Variants in DPP6 observed in about 807,000 individuals in gnomAD.
DPP6 encodes the protein dipeptidyl peptidase like 6.
A neutral mutation model predicts 122.6 loss-of-function variants in DPP6; 69 were observed. The observed-to-expected ratio is 0.56, with a 90% confidence interval of 0.46 to 0.69. The LOEUF (loss-of-function observed/expected upper bound fraction) is 0.69. Among genes scored for constraint, DPP6 ranks in the 30% least tolerant of loss-of-function variants. DPP6 has a pLI of 0.00. For missense variants in DPP6, 928 were observed against 1,116.9 expected (o/e 0.83, Z 2.41); for synonymous variants, 418 against 433.1 (o/e 0.97, Z 0.43).
intron 7 of DPP6, among the ~76,000 whole-genome samples, chr7:154,720,930 G>C (rs1841771802): frequency 6.6e-6 from 1 of 152,218 alleles, no homozygotes; most frequent in Admixed American, 6.5e-5. Flanking sequence ...TAAGCCTCGA[G>C]AAGAGGGCAG....
At position 154,564,936 on chromosome 7, in the gene DPP6, T is replaced by A. The variant is rs78704815; in HGVS notation, c.553-1906T>A. Among the ~76,000 whole-genome samples the A allele has an allele frequency of 3.3e-5, 5 of 152,336 alleles. No homozygotes were observed. The East Asian group carries it at 9.6e-4, about 29-fold the overall frequency. ...CTGTTGTTCTATTTGGTGCTCCATT[T>A]TTTTGCATGTTTGTAACTTACACTG... On this transcript the variant is annotated intron_variant, in intron 4 of 25. Transcript: ENST00000377770.
chr7:154,008,362 T>G (rs541631906), intron 1 of DPP6, among the ~76,000 whole-genome samples: 1 of 152,236 alleles, frequency 6.6e-6, no homozygotes. Flanking sequence ...TGACTGCCAT[T>G]TCAGTGTACT....
chr7:154,086,776 G>A (rs77473206), intron 1 of DPP6, among the ~76,000 whole-genome samples: 10,544 of 151,984 alleles, frequency 0.069, 453 homozygotes, highest in Middle Eastern at 0.14. Context: ...CCATCACCAC[G>A]CCCGGCTAAT....
Position 153,943,489 on chromosome 7 carries a change from T to A in DPP6, c.51+55755T>A, listed in dbSNP as rs149726713. Among the ~76,000 whole-genome samples, 269 of 152,288 alleles carry A rather than the reference T, an allele frequency of 1.8e-3. 1 individual carries two copies. The highest frequency in any genetic ancestry group is 5.8e-3 in the African/African-American group (239 of 41,558). Reference sequence around the variant, plus strand: ...TTTTGTCCTTCTCCATTTGCTCAGCTGTTTTTCCTCCCAAGTAGGGAGGGC... The same window carrying A: ...TTTTGTCCTTCTCCATTTGCTCAGCAGTTTTTCCTCCCAAGTAGGGAGGGC... On this transcript the variant is annotated intron_variant, in intron 1 of 25. Coordinates refer to the DPP6 transcript ENST00000404039.
chr7:154,540,737 A>G lies in DPP6; in HGVS notation c.552+111A>G. ...TTTAGCATAGCCAAGGAGAAGCAAT[A>G]AACTTGTAATACTACAGGCTGAGCA... On this transcript the variant is annotated intron_variant, in intron 4 of 25. Coordinates refer to ENST00000377770, the MANE Select transcript of DPP6 (RefSeq NM_130797.4). 3 of 653,442 alleles carry G rather than the reference A, an allele frequency of 4.6e-6. No individual in the cohort carries two copies. The South Asian group carries it at 5.9e-5, about 13-fold the overall frequency. 40.5% of individuals were successfully genotyped at this position (653,442 alleles called of 1,614,324 possible).
At chr7:154,831,303 C>A (rs975128653) in intron 16 of DPP6, among the ~76,000 whole-genome samples, 1 of 152,204 alleles carries the variant, frequency 6.6e-6, no homozygotes, top group Non-Finnish European at 1.5e-5. Context: ...CTTCAATCAC[C>A]GGTTGACCAC....
intron 1 of DPP6, among the ~76,000 whole-genome samples, chr7:154,199,816 C>T (rs1799073855): frequency 6.6e-6 from 1 of 152,112 alleles, no homozygotes; most frequent in Non-Finnish European, 1.5e-5. Flanking sequence ...CCATGTTGGT[C>T]AGGCTAGTGT....
intron 1 of DPP6, among the ~76,000 whole-genome samples, chr7:154,218,274 C>G (rs1800114565): frequency 6.6e-6 from 1 of 152,148 alleles, no homozygotes; most frequent in Non-Finnish European, 1.5e-5. Flanking sequence ...TCCACACAAC[C>G]TCACCCAGCC....
chr7:154,095,146 A>G (rs1805234806), intron 1 of DPP6: 1 of 151,424 alleles, frequency 6.6e-6, no homozygotes, highest in Non-Finnish European at 1.5e-5. Context: ...AGAACCATTC[A>G]TGCCTCCAAG....
intron 1 of DPP6, among the ~76,000 whole-genome samples, chr7:154,087,182 G>A (rs1459663292): frequency 6.6e-6 from 1 of 151,918 alleles, no homozygotes; most frequent in Non-Finnish European, 1.5e-5. Context: ...TGTGGGACAG[G>A]AGGGAGTGTC....
At chr7:154,641,708 A>G (rs936713809) in intron 6 of DPP6, among the ~76,000 whole-genome samples, 1 of 152,214 alleles carries the variant, frequency 6.6e-6, no homozygotes, top group African/African-American at 2.4e-5. Flanking sequence ...CTCATATCCA[A>G]TAGGATTGTT....
At chr7:153,824,970 C>A in the DPP6 span, among the ~76,000 whole-genome samples, 6 of 152,146 alleles carry the variant, frequency 3.9e-5, no homozygotes, top group African/African-American at 1.4e-4. Context: ...AGCAACTGGC[C>A]CGAGACAACT....
intron 5 of DPP6, among the ~76,000 whole-genome samples, chr7:154,603,725 T>C (rs540563656): frequency 2.6e-5 from 3 of 116,312 alleles, no homozygotes; most frequent in Middle Eastern, 4.0e-3. Context: ...TTTATTTACT[T>C]ATTTACTTTT....
chr7:154,821,569 G>A lies in DPP6; in HGVS notation c.1666+14457G>A, dbSNP rs1799760107. Among the ~76,000 whole-genome samples the A allele has an allele frequency of 6.7e-6, 1 of 149,184 alleles. No individual in the cohort carries two copies. Reference sequence around the variant, plus strand: ...ATCAGAGCTTTCAAACACTTTTAGAGGCACAATCAGTTTTCAAATGAAATG... The same window carrying A: ...ATCAGAGCTTTCAAACACTTTTAGAAGCACAATCAGTTTTCAAATGAAATG... On this transcript the variant is annotated intron_variant, in intron 16 of 25. Transcript: ENST00000377770. This position sits in a 1 kb window ranked among gnomAD's most constrained non-coding sequence, Gnocchi z 4.2.
At chr7:153,823,412 A>C in the DPP6 span, among the ~76,000 whole-genome samples, 1 of 133,414 alleles carries the variant, frequency 7.5e-6, no homozygotes, top group Non-Finnish European at 1.7e-5. Context: ...CAGCCAATGG[A>C]AGTCAGGGGT....
intron 1 of DPP6, among the ~76,000 whole-genome samples, chr7:153,941,537 A>G (rs1039998379): frequency 5.3e-5 from 8 of 152,198 alleles, no homozygotes; most frequent in Non-Finnish European, 1.2e-4. Flanking sequence ...AGAGGGCCCC[A>G]CAGACTCCAT....
At chr7:154,197,759 A>G (rs868720639) in intron 1 of DPP6, among the ~76,000 whole-genome samples, 9 of 152,214 alleles carry the variant, frequency 5.9e-5, no homozygotes, top group Non-Finnish European at 5.9e-5. Context: ...CAATTAATAT[A>G]GATTATGTCA....
At chr7:154,860,869 T>C (rs1803327776) in intron 17 of DPP6, among the ~76,000 whole-genome samples, 1 of 152,182 alleles carries the variant, frequency 6.6e-6, no homozygotes, top group South Asian at 2.1e-4. Flanking sequence ...ACCACCAAGG[T>C]TGGGGCCGTC....
intron 21 of DPP6, 138 bp from the exon 22 acceptor site, chr7:154,885,495 C>A: frequency 7.9e-7 from 1 of 1,264,250 alleles, no homozygotes; most frequent in Non-Finnish European, 1.1e-6. Context: ...CCGTGAACAA[C>A]TTTCCAAGTG....
Sources: gnomAD v4.1 joint callset for allele counts (sites outside exome capture counted in the v4.1 genomes callset) on GRCh38, gnomAD v4.1.1 for gene constraint, Gnocchi (gnomAD v3.1) non-coding constraint, MANE v1.5 for transcripts, NCBI Gene and HGNC (gene_info 2026-07-23, HGNC 2026-07-21) for gene names.